Variants in KCNQ5 observed in about 807,000 individuals in gnomAD.
KCNQ5 encodes potassium voltage-gated channel subfamily Q member 5.
A neutral mutation model predicts 98.2 loss-of-function variants in KCNQ5; 30 were observed. That is an observed-to-expected ratio of 0.31 (90% confidence interval 0.23 to 0.41). The LOEUF (loss-of-function observed/expected upper bound fraction) is 0.41. KCNQ5 is among the 10% of genes least tolerant of loss of function. The pLI, the probability that KCNQ5 is intolerant of heterozygous loss-of-function variation, is 1.00. For missense variants in KCNQ5, 835 were observed against 1,182.5 expected, an observed-to-expected ratio of 0.71 and a Z score of 4.31; for synonymous variants, 458 against 449.4, an observed-to-expected ratio of 1.02 and a Z score of -0.24.
chr6:72,680,160 C>T (rs768857460), intron 1 of KCNQ5, among the ~76,000 whole-genome samples: 15 of 152,176 alleles, frequency 9.9e-5, no homozygotes, highest in Admixed American at 5.2e-4. Context: ...AAAAAAGAAG[C>T]CTCCTTGTCC....
chr6:72,787,438 T>C (rs1313195425), intron 1 of KCNQ5, among the ~76,000 whole-genome samples: 1 of 152,144 alleles, frequency 6.6e-6, no homozygotes, highest in Admixed American at 6.5e-5. Context: ...ATGTTATGTA[T>C]GTGAATCACT....
At chr6:73,097,801 T>C (rs984817714) in intron 5 of KCNQ5, among the ~76,000 whole-genome samples, 1 of 152,214 alleles carries the variant, frequency 6.6e-6, no homozygotes, top group African/African-American at 2.4e-5. Flanking sequence ...ACCATAGCAT[T>C]ACTGGGCTTG....
chr6:72,850,327 G>A (rs910793332), intron 1 of KCNQ5, among the ~76,000 whole-genome samples: 1 of 152,140 alleles, frequency 6.6e-6, no homozygotes, highest in African/African-American at 2.4e-5. Context: ...CAGTTGGCAC[G>A]ATCTATAATG....
At chr6:73,093,095 G>A (rs1774323996) in intron 5 of KCNQ5, among the ~76,000 whole-genome samples, 1 of 152,126 alleles carries the variant, frequency 6.6e-6, no homozygotes, top group South Asian at 2.1e-4. Flanking sequence ...CTTGTTATTG[G>A]TCATTCAGGC....
intron 1 of KCNQ5, among the ~76,000 whole-genome samples, chr6:72,693,042 A>G (rs2154474304): frequency 6.6e-6 from 1 of 152,314 alleles, no homozygotes; most frequent in East Asian, 1.9e-4. Context: ...TAATAGCAAT[A>G]TAGAGAATGG....
intron 1 of KCNQ5, among the ~76,000 whole-genome samples, chr6:72,805,051 T>G (rs939843813): frequency 6.6e-6 from 1 of 152,152 alleles, no homozygotes; most frequent in Non-Finnish European, 1.5e-5. Flanking sequence ...GCTTCTTACA[T>G]ATTCTGATTA....
intron 1 of KCNQ5, among the ~76,000 whole-genome samples, chr6:72,841,367 A>T (rs1776783052): frequency 6.6e-6 from 1 of 152,192 alleles, no homozygotes; most frequent in African/African-American, 2.4e-5. Context: ...AACTTGTTTT[A>T]CTGCTGTAAT....
At chr6:73,186,135 G>A (rs1421603318) in intron 11 of KCNQ5, among the ~76,000 whole-genome samples, 1 of 152,202 alleles carries the variant, frequency 6.6e-6, no homozygotes, top group Non-Finnish European at 1.5e-5. Flanking sequence ...GGCTGAGATG[G>A]GAGGATTGGC....
intron 3 of KCNQ5, among the ~76,000 whole-genome samples, chr6:73,059,735 A>G (rs763150818): frequency 2.6e-5 from 4 of 152,086 alleles, no homozygotes; most frequent in Non-Finnish European, 4.4e-5. Context: ...AACGAAATGT[A>G]TATTTTACCA....
chr6:72,918,396 C>T (rs1780257470), intron 1 of KCNQ5, among the ~76,000 whole-genome samples: 1 of 151,880 alleles, frequency 6.6e-6, no homozygotes, highest in South Asian at 2.1e-4. Context: ...GTATAATGGA[C>T]AATTTGGTTT....
intron 1 of KCNQ5, among the ~76,000 whole-genome samples, chr6:72,719,222 G>A (rs1769820173): frequency 6.6e-6 from 1 of 152,172 alleles, no homozygotes. Flanking sequence ...AAAGTATTCT[G>A]TCTTCACTGT....
At chr6:72,804,584 G>A (rs1049071848) in intron 1 of KCNQ5, among the ~76,000 whole-genome samples, 3 of 152,102 alleles carry the variant, frequency 2.0e-5, no homozygotes, top group African/African-American at 7.2e-5. Context: ...GACACAGATT[G>A]CTTCCAAATC....
In KCNQ5 at chr6:73,134,508, A is replaced by G. The variant is rs556698456; in HGVS notation, c.1468+867A>G. Among the ~76,000 whole-genome samples the G allele has an allele frequency of 3.3e-5, 5 of 152,352 alleles. No homozygotes were observed. In the East Asian group the frequency reaches 9.6e-4, roughly 29 times the overall value. On this transcript the variant is annotated intron_variant, in intron 10 of 13. Coordinates refer to ENST00000370398, the MANE Select transcript of KCNQ5 (RefSeq NM_019842.4). ...CCTCAAAGCTCGAGGAATAAAATTA[A>G]CAACCAGGGGTCATAATCACAATGA...
At chr6:73,115,031 T>C (rs570467837) in intron 7 of KCNQ5, among the ~76,000 whole-genome samples, 1 of 152,188 alleles carries the variant, frequency 6.6e-6, no homozygotes, top group African/African-American at 2.4e-5. Flanking sequence ...GTGCCAGGTG[T>C]GGTGACTCAT....
chr6:72,819,854 A>T (rs1352598585), intron 1 of KCNQ5, among the ~76,000 whole-genome samples: 1 of 152,144 alleles, frequency 6.6e-6, no homozygotes, highest in Non-Finnish European at 1.5e-5. Context: ...TTGCAACAGC[A>T]CCTATTGCCA....
chr6:73,053,533 C>T lies in KCNQ5; in HGVS notation c.616+11471C>T, dbSNP rs539640106. On this transcript the variant is annotated intron_variant, in intron 3 of 13. Transcript: ENST00000370398. ...AGCAAATAAAAAAAAATCATACCAA[C>T]CACACTCTCAGACTACAGTGCAATA... Among the ~76,000 whole-genome samples, 249 of 152,070 alleles carry T rather than the reference C, an allele frequency of 1.6e-3. 2 individuals carry two copies. The highest frequency in any genetic ancestry group is 3.7e-3 in the Admixed American group (56 of 15,264).
intron 10 of KCNQ5, among the ~76,000 whole-genome samples, chr6:73,162,651 G>T (rs1325317373): frequency 6.6e-6 from 1 of 152,128 alleles, no homozygotes. Flanking sequence ...GGAGTAATAA[G>T]AAAGACATTT....
intron 3 of KCNQ5, among the ~76,000 whole-genome samples, chr6:73,073,725 C>T (rs1773397430): frequency 6.6e-6 from 1 of 152,084 alleles, no homozygotes; most frequent in Non-Finnish European, 1.5e-5. Context: ...AACAAATGAA[C>T]CTGAAGCCAG....
At chr6:73,035,000 C>T (rs1438225784) in intron 2 of KCNQ5, among the ~76,000 whole-genome samples, 10 of 147,858 alleles carry the variant, frequency 6.8e-5, no homozygotes, top group South Asian at 2.1e-4. Flanking sequence ...CGCCCGCCAC[C>T]ACACCCAGCT....
Sources: allele counts gnomAD v4.1 joint callset (sites outside exome capture counted in the v4.1 genomes callset), GRCh38; gene constraint gnomAD v4.1.1; transcripts MANE v1.5; gene names NCBI Gene and HGNC (gene_info 2026-07-23, HGNC 2026-07-21).